The following CKM variants were observed in gnomAD, a reference collection of about 807,000 sequenced individuals.
CKM encodes creatine kinase M-type.
A neutral mutation model predicts 35.4 loss-of-function variants in CKM; 28 were observed. That is an observed-to-expected ratio of 0.79 (90% CI 0.59 to 1.08). CKM has a LOEUF of 1.08. CKM is among the 50% of genes least tolerant of loss of function. The probability of loss-of-function intolerance (pLI) is 0.00; values close to 1 mark genes in which losing one functional copy is unlikely to be tolerated. For synonymous variants in CKM, 215 were observed against 204.4 expected (o/e 1.05, Z -0.44); for missense variants, 484 against 509.8 (o/e 0.95, Z 0.49).
intron 3 of CKM, 68 bp from the exon 4 acceptor site, chr19:45,315,665 C>A: frequency 6.4e-7 from 1 of 1,572,618 alleles, no homozygotes; most frequent in Middle Eastern, 1.7e-4. Flanking sequence ...CAGGTCTCCC[C>A]CAGATGCTCC....
Position 45,319,516 on chromosome 19 carries a change from C to A in CKM, c.193+5G>T. On this transcript the variant is annotated splice_donor_5th_base_variant and intron_variant, in intron 2 of 7. Coordinates refer to ENST00000221476, the MANE Select transcript of CKM (RefSeq NM_001824.5). ...CCCCTTCAGTGCTCCACTGGGGAGG[C>A]TCACCTGGGTTGTCCACTCCTGTCT... is the stretch of plus-strand genomic sequence containing the variant. 6.2e-7 allele frequency: 1 copy of A among 1,613,122 alleles called. No homozygotes were observed. Among genetic ancestry groups the A allele is most frequent in the Non-Finnish European group, 8.5e-7 (1 of 1,179,476 alleles).
At chr19:45,310,762 T>C (rs988938395) in intron 5 of CKM, among the ~76,000 whole-genome samples, 4 of 60,580 alleles carry the variant, frequency 6.6e-5, no homozygotes, top group African/African-American at 1.8e-4. Context: ...CGCCTGGCTT[T>C]TTTTTTTTTT....
chr19:45,307,527 G>A lies in CKM; in HGVS notation c.901C>T (p.His301Tyr). ...TCGAACTTGGGGTGCTTGCTCAGGT[G>A]CGCCAGCTTCACATGCACGCCTCCA... The part of the protein sequence containing the change: ...LRGGVHVKLA[H>Y]LSKHPKFEEI... Residue 301 changes from histidine to tyrosine, a missense_variant, in exon 7 of 8, where the codon CAC (histidine) becomes TAC (tyrosine). Transcript: ENST00000221476. 4 of 1,614,092 alleles carry A rather than the reference G, an allele frequency of 2.5e-6. No individual in the cohort carries two copies. The highest frequency in any genetic ancestry group is 3.4e-6 in the Non-Finnish European group (4 of 1,179,968).
At chr19:45,307,337 G>T in intron 7 of CKM, 124 bp downstream of exon 7, 1 of 829,770 alleles carries the variant, frequency 1.2e-6, no homozygotes, top group Non-Finnish European at 1.9e-6. Flanking sequence ...AGAAATGCAA[G>T]CTCACAGAGG....
At chr19:45,312,876 C>T (rs1199912636) in intron 4 of CKM, among the ~76,000 whole-genome samples, 2 of 151,368 alleles carry the variant, frequency 1.3e-5, no homozygotes, top group Non-Finnish European at 2.9e-5. Context: ...AACACTTGAA[C>T]CCAAGAGGTG....
chr19:45,319,437 T>A (rs1213339283), intron 2 of CKM, 84 bp downstream of exon 2: 1 of 1,019,886 alleles, frequency 9.8e-7, no homozygotes, highest in Non-Finnish European at 1.5e-6. Context: ...CCCCCCCCCC[T>A]TCAAGGGTGG....
intron 1 of CKM, 36 bp from the exon 2 acceptor site, chr19:45,319,767 A>T: frequency 6.7e-7 from 1 of 1,495,750 alleles, no homozygotes; most frequent in Non-Finnish European, 9.2e-7. Context: ...ATTGAAGATT[A>T]GCTGGCATCT....
chr19:45,320,147 C>T (rs1034701493), intron 1 of CKM, among the ~76,000 whole-genome samples: 3 of 151,494 alleles, frequency 2.0e-5, no homozygotes, highest in South Asian at 2.1e-4. Flanking sequence ...AGTGCAGTGG[C>T]GAGACCTCGG....
At chr19:45,318,456 G>A (rs1466301209) in intron 2 of CKM, among the ~76,000 whole-genome samples, 1 of 151,830 alleles carries the variant, frequency 6.6e-6, no homozygotes, top group Non-Finnish European at 1.5e-5. Flanking sequence ...TGGGAACTGG[G>A]AGGGAAGGCT....
At chr19:45,313,060 TTA>T (rs1228014058) in intron 4 of CKM, among the ~76,000 whole-genome samples, 3 of 152,122 alleles carry the variant, frequency 2.0e-5, no homozygotes, top group African/African-American at 7.2e-5. Context: ...TCTATAATAT[TTA>T]TATATCTTAT....
intron 7 of CKM, 29 bp downstream of exon 7, chr19:45,307,432 T>A (rs1263409061): frequency 6.2e-7 from 1 of 1,610,068 alleles, no homozygotes; most frequent in Non-Finnish European, 8.5e-7. Context: ...TCCCCCTCCG[T>A]CGTGGTGCAA....
chr19:45,315,748 C>T, intron 3 of CKM, 151 bp from the exon 4 acceptor site: 1 of 999,486 alleles, frequency 1.0e-6, no homozygotes, highest in Non-Finnish European at 1.5e-6. Flanking sequence ...CTCCCCGCCA[C>T]CCATACCTGG....
At chr19:45,315,875 T>C (rs1301768856) in intron 3 of CKM, among the ~76,000 whole-genome samples, 1 of 108,942 alleles carries the variant, frequency 9.2e-6, no homozygotes. Flanking sequence ...ACAGGGTCTC[T>C]CTCTGTCGCC....
At chr19:45,313,692 C>G (rs142939938) in intron 4 of CKM, among the ~76,000 whole-genome samples, 106 of 152,220 alleles carry the variant, frequency 7.0e-4, no homozygotes, top group Non-Finnish European at 1.2e-3. Flanking sequence ...ACTAAAAATA[C>G]AAAAATTAGC....
In CKM at chr19:45,308,395, G is replaced by A. The variant is rs1441852285; in HGVS notation, c.777+14C>T. The A allele has an allele frequency of 1.9e-6, 3 of 1,614,104 alleles. No homozygotes were observed. Among genetic ancestry groups the A allele is most frequent in the South Asian group, 2.2e-5 (2 of 91,092 alleles). ...GGTGGAGTCAGAAGTCAGCAGCTAA[G>A]GGCAGACACCCACCTTCTGCAGCCC... On this transcript the variant is annotated intron_variant, in intron 6 of 7. Transcript: ENST00000221476.
At chr19:45,312,886 G>A (rs1490762213) in intron 4 of CKM, among the ~76,000 whole-genome samples, 1 of 151,432 alleles carries the variant, frequency 6.6e-6, no homozygotes, top group Non-Finnish European at 1.5e-5. Flanking sequence ...CCCAAGAGGT[G>A]GAGGTTGCAG....
intron 1 of CKM, among the ~76,000 whole-genome samples, chr19:45,322,207 G>C (rs1195663165): frequency 6.6e-6 from 1 of 151,636 alleles, no homozygotes; most frequent in Non-Finnish European, 1.5e-5. Context: ...ACTGAGGCAG[G>C]GTGGTGACCC....
intron 1 of CKM, among the ~76,000 whole-genome samples, chr19:45,321,751 G>A (rs895401930): frequency 5.9e-5 from 9 of 152,090 alleles, no homozygotes; most frequent in African/African-American, 9.7e-5. Flanking sequence ...GAGCCACTGC[G>A]CCAGGTCCTA....
chr19:45,314,682 G>T (rs935413811), intron 4 of CKM, among the ~76,000 whole-genome samples: 1 of 151,930 alleles, frequency 6.6e-6, no homozygotes, highest in East Asian at 1.9e-4. Flanking sequence ...CCAAAATGCT[G>T]GGATTACGGT....
Sources: allele counts gnomAD v4.1 joint callset (sites outside exome capture counted in the v4.1 genomes callset), GRCh38; gene constraint gnomAD v4.1.1; transcripts MANE v1.5; gene names NCBI Gene and HGNC (gene_info 2026-07-23, HGNC 2026-07-21).